The following INSL6 variants were observed in gnomAD, a reference collection of about 807,000 sequenced individuals.
The protein encoded by INSL6 is insulin like 6, also known as insulin-like peptide INSL6.
A neutral mutation model predicts 9.4 loss-of-function variants in INSL6; 16 were observed. The observed-to-expected ratio is 1.70, with a 90% CI of 1.15 to 2.59. INSL6 has a LOEUF of 2.59. INSL6 is among the 30% of genes most tolerant of loss of function. The pLI, the probability that INSL6 is intolerant of heterozygous loss-of-function variation, is 0.00. For missense variants in INSL6, 391 were observed against 257.3 expected (o/e 1.52, Z -3.56); for synonymous variants, 154 against 96.9 (o/e 1.59, Z -3.46).
the INSL6 span, among the ~76,000 whole-genome samples, chr9:5,068,864 A>T: frequency 6.6e-6 from 1 of 152,318 alleles, no homozygotes; most frequent in Non-Finnish European, 1.5e-5. Context: ...TGCCCTTTTG[A>T]GGAACTAAGT....
rs1564060023 is a variant in INSL6, at chr9:5,185,614, CAGGCT to C, written c.-17_-13del. On this transcript the variant is annotated 5_prime_UTR_variant, in exon 1 of 2. Transcript: ENST00000381641. Reference sequence around the variant, plus strand: ...AGGAGCCGCGGCATCCCTGTGACCCCAGGCTAGTCCTCCGCGTTGTGCAATGGCGG... The same window carrying C: ...AGGAGCCGCGGCATCCCTGTGACCCCAGTCCTCCGCGTTGTGCAATGGCGG... The C allele has an allele frequency of 5.0e-6, 8 of 1,607,176 alleles. No homozygotes were observed. The highest frequency in any genetic ancestry group is 8.5e-7 in the Non-Finnish European group (1 of 1,177,908).
At chr9:5,037,063 C>G in the INSL6 span, among the ~76,000 whole-genome samples, 1 of 152,216 alleles carries the variant, frequency 6.6e-6, no homozygotes. Flanking sequence ...CGAACAGACA[C>G]TTCTTGAAAG....
rs142039746 is a variant in INSL6, at chr9:5,139,556, T to G, written c.377-5964A>C. ...AAGTCTAGACACATCCCTGGTTGCT[T>G]GAGGAAAGGAACCATATTTTCTAAA... On this transcript the variant is annotated intron_variant, in intron 2 of 3. Coordinates refer to the INSL6 transcript ENST00000649639. 4.6e-3 allele frequency among the ~76,000 whole-genome samples: 697 copies of G among 152,266 alleles called. 7 individuals carry two copies. Among genetic ancestry groups the G allele is most frequent in the African/African-American group, 0.016 (670 of 41,554 alleles).
At chr9:5,072,361 C>T in the INSL6 span, 1 of 577,514 alleles carries the variant, frequency 1.7e-6, no homozygotes, top group Non-Finnish European at 2.9e-6. Context: ...AGTCTTAAAT[C>T]TGGATTTAGA....
chr9:5,115,030 C>T, the INSL6 span, among the ~76,000 whole-genome samples: 1 of 152,136 alleles, frequency 6.6e-6, no homozygotes, highest in Non-Finnish European at 1.5e-5. Context: ...ATGACTAAAA[C>T]ACCAAAAGCA....
chr9:5,087,596 G>A, the INSL6 span, among the ~76,000 whole-genome samples: 30,430 of 151,998 alleles, frequency 0.2, 3,252 homozygotes, highest in Middle Eastern at 0.26. Flanking sequence ...GAGGCATTCC[G>A]AATTAAAAGT....
the INSL6 span, among the ~76,000 whole-genome samples, chr9:5,000,644 A>G: frequency 2.0e-5 from 3 of 152,160 alleles, no homozygotes; most frequent in African/African-American, 7.2e-5. Flanking sequence ...CAATTTTTAT[A>G]AATTTTCCCT....
the INSL6 span, among the ~76,000 whole-genome samples, chr9:5,056,643 A>G: frequency 2.0e-5 from 3 of 152,258 alleles, no homozygotes; most frequent in South Asian, 6.2e-4. Flanking sequence ...TGTACCCCCT[A>G]CACCTTGCAC....
the INSL6 span, among the ~76,000 whole-genome samples, chr9:5,025,801 G>C: frequency 6.6e-6 from 1 of 152,124 alleles, no homozygotes; most frequent in Non-Finnish European, 1.5e-5. Context: ...CAAAGTGTGT[G>C]AGCCACTGCA....
intron 2 of INSL6, among the ~76,000 whole-genome samples, chr9:5,136,833 C>T (rs1824394301): frequency 1.3e-5 from 2 of 152,208 alleles, no homozygotes; most frequent in African/African-American, 4.8e-5. Flanking sequence ...GTCAAATTGT[C>T]TCTGTTTGCA....
intron 2 of INSL6, among the ~76,000 whole-genome samples, chr9:5,154,265 G>T (rs1420415400): frequency 1.3e-5 from 2 of 152,230 alleles, no homozygotes; most frequent in African/African-American, 4.8e-5. Flanking sequence ...AAACAGGCTA[G>T]TCATTTGCAG....
chr9:5,006,267 G>C, the INSL6 span, among the ~76,000 whole-genome samples: 2 of 152,180 alleles, frequency 1.3e-5, no homozygotes, highest in African/African-American at 4.8e-5. Flanking sequence ...TTGTGAACGG[G>C]AGTTCACTCA....
downstream of INSL6, among the ~76,000 whole-genome samples, chr9:5,159,595 G>T (rs1824881766): frequency 6.6e-6 from 1 of 152,150 alleles, no homozygotes; most frequent in Admixed American, 6.5e-5. Flanking sequence ...TCAGTAAAAA[G>T]ATGTAACAAT....
At chr9:5,145,734 C>G in intron 2 of INSL6, among the ~76,000 whole-genome samples, 1 of 152,142 alleles carries the variant, frequency 6.6e-6, no homozygotes, top group Non-Finnish European at 1.5e-5. Flanking sequence ...GTTCTTTCCT[C>G]TGTTTGGTCT....
intron 2 of INSL6, among the ~76,000 whole-genome samples, chr9:5,135,968 A>C (rs573366185): frequency 1.3e-5 from 2 of 152,350 alleles, no homozygotes; most frequent in South Asian, 4.1e-4. Flanking sequence ...ACAGAAATAC[A>C]AACTACCATC....
chr9:5,104,850 A>C, the INSL6 span, among the ~76,000 whole-genome samples: 1 of 152,256 alleles, frequency 6.6e-6, no homozygotes, highest in African/African-American at 2.4e-5. Context: ...CTTTGACAAA[A>C]TTCTACAGCC....
the INSL6 span, among the ~76,000 whole-genome samples, chr9:5,081,259 A>ATT: frequency 0.01 from 1,501 of 149,900 alleles, 17 homozygotes; most frequent in African/African-American, 0.027. Context: ...AAATTATAGT[A>ATT]TTTTTTTTTT....
At chr9:5,072,699 C>A in the INSL6 span, 1 of 1,101,662 alleles carries the variant, frequency 9.1e-7, no homozygotes, top group Non-Finnish European at 1.2e-6. Flanking sequence ...ATACAACGTA[C>A]TCATGTGTGC....
At chr9:5,076,086 C>T in the INSL6 span, among the ~76,000 whole-genome samples, 1 of 152,026 alleles carries the variant, frequency 6.6e-6, no homozygotes, top group African/African-American at 2.4e-5. Flanking sequence ...TACAATCTCA[C>T]GATAAGCCCT....
Sources: allele counts gnomAD v4.1 joint callset (sites outside exome capture counted in the v4.1 genomes callset), GRCh38; gene constraint gnomAD v4.1.1; transcripts MANE v1.5; gene names NCBI Gene and HGNC (gene_info 2026-07-23, HGNC 2026-07-21).